The following EGR2 variants were observed in gnomAD, a reference collection of about 807,000 sequenced individuals.
The protein encoded by EGR2 is E3 SUMO-protein ligase EGR2.
Under a neutral mutation model 21.2 loss-of-function variants are expected in EGR2, and 2 were observed. The ratio of observed to expected loss-of-function variants is 0.09; its 90% CI spans 0.04 to 0.30. The LOEUF is 0.30. EGR2 is among the 10% of genes least tolerant of loss of function. The pLI is 1.00. For synonymous variants in EGR2, 282 were observed against 258.2 expected (o/e 1.09, Z -0.88); for missense variants, 458 against 630.2 (o/e 0.73, Z 2.93).
In EGR2 at chr10:62,813,066, G is replaced by A. The variant is rs1465447886; in HGVS notation, c.*141C>T. 4 of 905,062 alleles carry A rather than the reference G, an allele frequency of 4.4e-6. No individual in the cohort carries two copies. Among genetic ancestry groups the A allele is most frequent in the Non-Finnish European group, 6.5e-6 (4 of 610,900 alleles). The allele number at this position is 905,062 out of a possible 1,614,324, so 56.1% of individuals were successfully genotyped here. A position where few individuals can be genotyped will look rare whatever the true frequency, so the allele number is the denominator to read the frequency against. Reference sequence around the variant, plus strand: ...AGAACCTGCTTCTAGGTGGAAAGGGGGCAGTGCTAGCTCCACCAAAGCCCT... The same window carrying A: ...AGAACCTGCTTCTAGGTGGAAAGGGAGCAGTGCTAGCTCCACCAAAGCCCT... On this transcript the variant is annotated 3_prime_UTR_variant, in exon 2 of 2. Transcript: ENST00000242480. This position sits in a 1 kb window ranked among gnomAD's most constrained non-coding sequence, Gnocchi z 5.7.
chr10:62,816,136 C>T lies in EGR2; in HGVS notation c.-107G>A. 6.2e-7 allele frequency: 1 copy of T among 1,604,224 alleles called. No individual in the cohort carries two copies. Among genetic ancestry groups the T allele is most frequent in the Non-Finnish European group, 8.5e-7 (1 of 1,175,172 alleles). On this transcript the variant is annotated 5_prime_UTR_variant, in exon 1 of 2. Coordinates refer to ENST00000242480, the MANE Select transcript of EGR2 (RefSeq NM_000399.5). ...AGCCTGGGATGGTATCTCCTTTTGC[C>T]CTCCACACTTAAAAACAACCACCAC...
chr10:62,813,032 G>T lies in EGR2; in HGVS notation c.*175C>A. On this transcript the variant is annotated 3_prime_UTR_variant, in exon 2 of 2. Coordinates refer to ENST00000242480, the MANE Select transcript of EGR2 (RefSeq NM_000399.5). The surrounding 1 kb of genome is among the most constrained non-coding windows in gnomAD (Gnocchi z 5.7). ...CCTAAGAGAGACTAGAATGGGCTAA[G>T]TTTTAGGAAGAACCTGCTTCTAGGT... 1.4e-6 allele frequency: 1 copy of T among 699,438 alleles called. No individual in the cohort carries two copies. Among genetic ancestry groups the T allele is most frequent in the Non-Finnish European group, 2.3e-6 (1 of 441,252 alleles). The allele number at this position is 699,438 out of a possible 1,614,324, so 43.3% of individuals were successfully genotyped here. A position where few individuals can be genotyped will look rare whatever the true frequency, so the allele number is the denominator to read the frequency against.
Position 62,812,880 on chromosome 10 carries a change from A to ATCTC in EGR2, c.*326_*327insGAGA. On this transcript the variant is annotated 3_prime_UTR_variant, in exon 2 of 2. Transcript: ENST00000242480. Reference sequence around the variant, plus strand: ...ACCTGTGATGGGTCAAAATAAGGGGAAGTGGGGTAGCAAAACCTAGTCAAA... The same window carrying ATCTC: ...ACCTGTGATGGGTCAAAATAAGGGGATCTCAGTGGGGTAGCAAAACCTAGTCAAA... The ATCTC allele has an allele frequency of 8.1e-6, 2 of 246,740 alleles. No homozygotes were observed. The highest frequency in any genetic ancestry group is 1.5e-4 in the South Asian group (1 of 6,822). 15.3% of individuals were successfully genotyped at this position (246,740 alleles called of 1,614,324 possible).
chr10:62,818,551 A>T, upstream of EGR2: 1 of 1,264,462 alleles, frequency 7.9e-7, no homozygotes, highest in Middle Eastern at 2.2e-4. Context: ...CACGTGCGCC[A>T]GCCCACTCCG....
chr10:62,818,362 A>G (rs1214043703), upstream of EGR2, among the ~76,000 whole-genome samples: 1 of 152,242 alleles, frequency 6.6e-6, no homozygotes, highest in Admixed American at 6.5e-5. Flanking sequence ...CACATTTGGG[A>G]AAGTTTCTCG....
rs1842221279 is a variant in EGR2 at position 62,814,903 on chromosome 10, T to C, written c.170-435A>G. 6.6e-6 allele frequency among the ~76,000 whole-genome samples: 1 copy of C among 152,174 alleles called. No individual in the cohort carries two copies. Among genetic ancestry groups the C allele is most frequent in the South Asian group, 2.1e-4 (1 of 4,830 alleles). On this transcript the variant is annotated intron_variant, in intron 1 of 1. Coordinates refer to ENST00000242480, the MANE Select transcript of EGR2 (RefSeq NM_000399.5). This position sits in a 1 kb window ranked among gnomAD's most constrained non-coding sequence, Gnocchi z 4.8. Reference sequence around the variant, plus strand: ...AATCGACCTATCCCAGTCAGTGCCGTGATGGTGCCAAACCGAGAGGAGAGC... The same window carrying C: ...AATCGACCTATCCCAGTCAGTGCCGCGATGGTGCCAAACCGAGAGGAGAGC...
chr10:62,813,411 C>T lies in EGR2; in HGVS notation c.1227G>A (p.Arg409=), dbSNP rs1234400574. The T allele has an allele frequency of 6.2e-7, 1 of 1,613,698 alleles. No individual in the cohort carries two copies. The highest frequency in any genetic ancestry group is 1.1e-5 in the South Asian group (1 of 91,062). ...ACDYCGRKFA[R]SDERKRHTKI... ...TGGTGTGGCGCTTCCTCTCATCACT[C>T]CGGGCAAACTTTCGGCCACAGTAGT... Residue 409 remains arginine, a synonymous_variant, in exon 2 of 2, where the codon CGG becomes CGA. Transcript: ENST00000242480. The surrounding 1 kb of genome is among the most constrained non-coding windows in gnomAD (Gnocchi z 5.7).
Position 62,814,064 on chromosome 10 carries a change from C to T in EGR2, c.574G>A (p.Ala192Thr). 6.2e-7 allele frequency: 1 copy of T among 1,614,052 alleles called. No individual in the cohort carries two copies. Among genetic ancestry groups the T allele is most frequent in the Non-Finnish European group, 8.5e-7 (1 of 1,179,984 alleles). The part of the protein sequence containing the change: ...YQDPSAFLSA[A>T]TTSTSSSLAY... ...AGAGAGGAAGAGGTGGAGGTGGTGG[C>T]TGCTGACAGGAACGCAGAAGGGTCC... Residue 192 changes from alanine (A) to threonine (T), a missense_variant, in exon 2 of 2, where the codon GCC (alanine) becomes ACC (threonine). Physicochemically the swap from Ala to Thr is moderately conservative, Grantham distance 58. Coordinates refer to ENST00000242480, the MANE Select transcript of EGR2 (RefSeq NM_000399.5). The surrounding 1 kb of genome is among the most constrained non-coding windows in gnomAD (Gnocchi z 4.8).
Position 62,816,340 on chromosome 10 carries a change from T to A in EGR2, c.-311A>T, listed in dbSNP as rs1163573128. 6 of 1,256,468 alleles carry A rather than the reference T, an allele frequency of 4.8e-6. No homozygotes were observed. Among genetic ancestry groups the A allele is most frequent in the Non-Finnish European group, 6.1e-6 (6 of 987,814 alleles). 77.8% of individuals were successfully genotyped at this position (1,256,468 alleles called of 1,614,324 possible). ...CAGTCAGTGAGTCCCCTCGCCGAGC[T>A]ATTAATCAATTGCTCCTCGCTCAGT... is the stretch of plus-strand genomic sequence containing the variant. On this transcript the variant is annotated 5_prime_UTR_variant, in exon 1 of 2. Coordinates refer to ENST00000242480, the MANE Select transcript of EGR2 (RefSeq NM_000399.5).
chr10:62,813,321 A>G lies in EGR2; in HGVS notation c.1317T>C (p.Ser439=). 6.3e-7 allele frequency: 1 copy of G among 1,584,768 alleles called. No homozygotes were observed. Among genetic ancestry groups the G allele is most frequent in the East Asian group, 2.2e-5 (1 of 44,572 alleles). The stretch of plus-strand genomic sequence containing the variant: ...GCACGCCCCCAGAGCAGGAGGCTGT[A>G]GAGGGGGCTGGCACCGATGCAGAGG... ...SAPSASVPAP[S]TASCSGGVQP... The change falls in exon 2 of 2, where the codon TCT becomes TCC. Residue 439 remains serine, a synonymous_variant. Coordinates refer to ENST00000242480, the MANE Select transcript of EGR2 (RefSeq NM_000399.5). This position sits in a 1 kb window ranked among gnomAD's most constrained non-coding sequence, Gnocchi z 5.7.
chr10:62,816,804 T>A (rs2132715021), upstream of EGR2, among the ~76,000 whole-genome samples: 1 of 152,130 alleles, frequency 6.6e-6, no homozygotes. Context: ...AAAATTAAAC[T>A]TCGGAAAGAA....
At chr10:62,818,295 C>G (rs1838303987), upstream of EGR2, among the ~76,000 whole-genome samples, 1 of 152,244 alleles carries the variant, frequency 6.6e-6, no homozygotes, top group Non-Finnish European at 1.5e-5. Context: ...CTCCCCCTCC[C>G]TCCAAAACAG....
At position 62,813,531 on chromosome 10, in the gene EGR2, G is replaced by T; in HGVS notation, c.1107C>A (p.Pro369=). The part of the protein sequence containing the change: ...RHIRIHTGHK[P]FQCRICMRNF... ...TGCGCATGCAGATCCGACACTGGAA[G>T]GGCTTATGCCCAGTGTGGATTCGGA... is the stretch of plus-strand genomic sequence containing the variant. The change falls in exon 2 of 2, where the codon CCC becomes CCA. Residue 369 remains proline, a synonymous_variant. Transcript: ENST00000242480. This position sits in a 1 kb window ranked among gnomAD's most constrained non-coding sequence, Gnocchi z 5.7. 6.2e-7 allele frequency: 1 copy of T among 1,613,752 alleles called. No individual in the cohort carries two copies. The highest frequency in any genetic ancestry group is 8.5e-7 in the Non-Finnish European group (1 of 1,180,034).
chr10:62,814,047 A>C lies in EGR2; in HGVS notation c.591T>G (p.Ser197=). Residue 197 remains serine, a synonymous_variant, in exon 2 of 2, where the codon TCT becomes TCG. Transcript: ENST00000242480. This position sits in a 1 kb window ranked among gnomAD's most constrained non-coding sequence, Gnocchi z 4.8. ...GAGGTGGTGGGTAGGCCAGAGAGGA[A>C]GAGGTGGAGGTGGTGGCTGCTGACA... ...AFLSAATTST[S]SSLAYPPPPS... 6.2e-7 allele frequency: 1 copy of C among 1,614,022 alleles called. No individual in the cohort carries two copies.
intron 1 of EGR2, 109 bp downstream of exon 1, chr10:62,815,752 C>T (rs1414165473): frequency 1.2e-5 from 16 of 1,381,410 alleles, no homozygotes; most frequent in Non-Finnish European, 1.6e-5. Context: ...GCAGTCAGCA[C>T]CGTCCACCTG....
upstream of EGR2, among the ~76,000 whole-genome samples, chr10:62,817,345 CCCCGCTGCCCTCTTCACACACCCGCT>C (rs1326550052): frequency 6.6e-6 from 1 of 152,166 alleles, no homozygotes; most frequent in East Asian, 1.9e-4. This position sits in a 1 kb window ranked among gnomAD's most constrained non-coding sequence, Gnocchi z 4.4. Context: ...ACACTCCCGC[CCCCGCTGCCCTCTTCACACACCCGCT>C]CACACACCTT....
chr10:62,818,610 C>A, upstream of EGR2: 3 of 1,275,886 alleles, frequency 2.4e-6, no homozygotes, highest in South Asian at 1.2e-5. Flanking sequence ...ATGGGCAAGA[C>A]GACGCCTCGG....
At chr10:62,816,898 G>GA (rs987523090), upstream of EGR2, among the ~76,000 whole-genome samples, 5 of 150,834 alleles carry the variant, frequency 3.3e-5, no homozygotes, top group East Asian at 1.9e-4. Flanking sequence ...AGGCAGCGAA[G>GA]AAAAAAAAAG....
chr10:62,814,194 G>T lies in EGR2; in HGVS notation c.444C>A (p.Pro148=). 1 of 1,614,162 alleles carries T rather than the reference G, an allele frequency of 6.2e-7. No individual in the cohort carries two copies. The change falls in exon 2 of 2, where the codon CCC becomes CCA. Residue 148 remains proline, a synonymous_variant. Transcript: ENST00000242480. The surrounding 1 kb of genome is among the most constrained non-coding windows in gnomAD (Gnocchi z 4.8). ...SASPNPLATG[P]LGVCTMSQTQ... is the part of the protein sequence containing the mutation. ...TCTGGGACATGGTGCACACACCCAG[G>T]GGTCCTGTGGCCAGTGGGTTGGGGG...
Sources: allele counts gnomAD v4.1 joint callset (sites outside exome capture counted in the v4.1 genomes callset), GRCh38; gene constraint gnomAD v4.1.1; non-coding constraint Gnocchi (gnomAD v3.1); transcripts MANE v1.5; gene names NCBI Gene and HGNC (gene_info 2026-07-23, HGNC 2026-07-21).